PTPRJ: variants seen among roughly 807,000 people sequenced by gnomAD.
The protein encoded by PTPRJ is protein tyrosine phosphatase receptor type J.
Under a neutral mutation model 141.3 loss-of-function variants are expected in PTPRJ, and 129 were observed. That is an observed-to-expected ratio of 0.91 (90% confidence interval 0.79 to 1.06). The LOEUF (loss-of-function observed/expected upper bound fraction) is 1.06, where lower values mean the gene tolerates loss of function less well. Ranked by LOEUF, PTPRJ falls within the 50% of genes least tolerant of loss-of-function variation. The pLI is 0.00. For synonymous variants in PTPRJ, 610 were observed against 640.5 expected, an observed-to-expected ratio of 0.95 and a Z score of 0.72; for missense variants, 1,601 against 1,679.7, an observed-to-expected ratio of 0.95 and a Z score of 0.82.
intron 1 of PTPRJ, among the ~76,000 whole-genome samples, chr11:48,006,687 G>A (rs563365828): frequency 6.6e-6 from 1 of 152,206 alleles, no homozygotes; most frequent in East Asian, 1.9e-4. Flanking sequence ...GTCTTTCTGG[G>A]TCTTAAAGGT....
In PTPRJ at chr11:48,017,242, G is replaced by A. The variant is rs552428940; in HGVS notation, c.96+36234G>A. 1.2e-4 allele frequency among the ~76,000 whole-genome samples: 19 copies of A among 152,304 alleles called. No homozygotes were observed. The East Asian group carries it at 3.7e-3, about 29-fold the overall frequency. On this transcript the variant is annotated intron_variant, in intron 1 of 24. Coordinates refer to ENST00000418331, the MANE Select transcript of PTPRJ (RefSeq NM_002843.4). Reference sequence around the variant, plus strand: ...CTAGGACCTTTTTGGTTTGGTTGATGACATCTGTGCACATCATTCTGGTAG... The same window carrying A: ...CTAGGACCTTTTTGGTTTGGTTGATAACATCTGTGCACATCATTCTGGTAG...
intron 1 of PTPRJ, among the ~76,000 whole-genome samples, chr11:48,041,235 A>C (rs1168195041): frequency 3.3e-5 from 5 of 152,086 alleles, no homozygotes; most frequent in Admixed American, 3.3e-4. Context: ...AGCACCCAGC[A>C]GGGGCTCAAG....
At chr11:48,121,391 G>T (rs1856704735) in intron 4 of PTPRJ, 125 bp downstream of exon 4, 4 of 1,070,438 alleles carry the variant, frequency 3.7e-6, no homozygotes, top group Non-Finnish European at 5.3e-6. Context: ...GAGGAGAAAA[G>T]GTGCTATGTT....
At chr11:48,051,305 G>C (rs892116614) in intron 1 of PTPRJ, among the ~76,000 whole-genome samples, 1 of 152,032 alleles carries the variant, frequency 6.6e-6, no homozygotes. Flanking sequence ...ATGCTGCTCA[G>C]GCTGGTGTCG....
chr11:48,164,195 C>T (rs1370211584), intron 23 of PTPRJ, among the ~76,000 whole-genome samples, 185 bp from the exon 24 acceptor site: 2 of 152,100 alleles, frequency 1.3e-5, no homozygotes, highest in African/African-American at 4.8e-5. Flanking sequence ...GGACTTAGGC[C>T]CCAGTCCCAA....
At chr11:47,994,646 C>T (rs2950886) in intron 1 of PTPRJ, among the ~76,000 whole-genome samples, 2,625 of 151,978 alleles carry the variant, frequency 0.017, 74 homozygotes, top group African/African-American at 0.06. Context: ...GCTTGGGCTG[C>T]AGGGTGAGAT....
At chr11:48,076,027 C>T (rs1237342258) in intron 1 of PTPRJ, among the ~76,000 whole-genome samples, 2 of 152,190 alleles carry the variant, frequency 1.3e-5, no homozygotes, top group East Asian at 3.8e-4. Flanking sequence ...TGGTCCTTCC[C>T]CCTACCCCAG....
At chr11:48,115,369 T>C (rs1856538669) in intron 3 of PTPRJ, among the ~76,000 whole-genome samples, 1 of 152,082 alleles carries the variant, frequency 6.6e-6, no homozygotes, top group South Asian at 2.1e-4. Flanking sequence ...CAGCAGAAAC[T>C]TACAGGCCAG....
chr11:48,053,662 T>C (rs1417211682), intron 1 of PTPRJ, among the ~76,000 whole-genome samples: 1 of 147,914 alleles, frequency 6.8e-6, no homozygotes, highest in Non-Finnish European at 1.5e-5. Context: ...TTGCAACCTC[T>C]GCCTCCCAGG....
At chr11:48,145,558 G>GT (rs574426609) in intron 14 of PTPRJ, among the ~76,000 whole-genome samples, 72,857 of 117,284 alleles carry the variant, frequency 0.62, 24,367 homozygotes, top group South Asian at 0.77. Flanking sequence ...TTTATTTTAT[G>GT]TTTTTTTTTT....
intron 16 of PTPRJ, 62 bp downstream of exon 16, chr11:48,149,550 A>C: frequency 2.6e-6 from 3 of 1,143,108 alleles, no homozygotes; most frequent in Non-Finnish European, 3.7e-6. Flanking sequence ...GACTATCTAT[A>C]AATAATTTTT....
At chr11:48,040,402 A>G (rs1357934411) in intron 1 of PTPRJ, among the ~76,000 whole-genome samples, 6 of 152,098 alleles carry the variant, frequency 3.9e-5, no homozygotes, top group African/African-American at 1.4e-4. Flanking sequence ...GGGATTCCAT[A>G]TGTTTTGCTC....
chr11:48,007,161 C>T (rs944718729), intron 1 of PTPRJ, among the ~76,000 whole-genome samples: 2 of 151,852 alleles, frequency 1.3e-5, no homozygotes, highest in African/African-American at 4.8e-5. Context: ...AGTGCAGTGG[C>T]GCAATCTCTG....
chr11:48,143,326 C>A (rs1857277542), intron 12 of PTPRJ, among the ~76,000 whole-genome samples: 1 of 152,200 alleles, frequency 6.6e-6, no homozygotes. Context: ...CAAGCAGTCA[C>A]AGAAGATACA....
At chr11:48,132,456 G>A in intron 8 of PTPRJ, 1 of 983,090 alleles carries the variant, frequency 1.0e-6, no homozygotes, top group Non-Finnish European at 1.2e-6. Flanking sequence ...AGAGAGTAAT[G>A]TTCATTATTG....
At chr11:48,018,878 T>A (rs1855023999) in intron 1 of PTPRJ, among the ~76,000 whole-genome samples, 1 of 152,196 alleles carries the variant, frequency 6.6e-6, no homozygotes, top group African/African-American at 2.4e-5. Flanking sequence ...GAGGGTTAGA[T>A]ACCTGGGAGG....
chr11:48,030,752 T>G (rs2134224247), intron 1 of PTPRJ, among the ~76,000 whole-genome samples: 1 of 151,882 alleles, frequency 6.6e-6, no homozygotes, highest in South Asian at 2.1e-4. Context: ...CAAAAATAAA[T>G]AAATAAATAA....
chr11:48,086,465 C>T (rs1855713848), intron 1 of PTPRJ, among the ~76,000 whole-genome samples: 1 of 152,238 alleles, frequency 6.6e-6, no homozygotes. Flanking sequence ...AGCCACCGTG[C>T]CCAGCCCAGA....
intron 1 of PTPRJ, among the ~76,000 whole-genome samples, chr11:47,988,025 T>A (rs1170836821): frequency 6.6e-6 from 1 of 152,268 alleles, no homozygotes; most frequent in African/African-American, 2.4e-5. Context: ...GCGGACAATG[T>A]CGTTATTGTG....
Sources: allele counts gnomAD v4.1 joint callset (sites outside exome capture counted in the v4.1 genomes callset), GRCh38; gene constraint gnomAD v4.1.1; transcripts MANE v1.5; gene names NCBI Gene and HGNC (gene_info 2026-07-23, HGNC 2026-07-21).